The following ARHGAP22 variants were observed in gnomAD, a reference collection of about 807,000 sequenced individuals.
ARHGAP22 encodes the protein Rho GTPase activating protein 22.
In ARHGAP22, 48 loss-of-function variants were observed where a neutral mutation model predicts 59.1. The ratio of observed to expected loss-of-function variants is 0.81; its 90% CI spans 0.64 to 1.03. The LOEUF is 1.03. Among genes scored for constraint, ARHGAP22 ranks in the 50% least tolerant of loss-of-function variants. The probability of loss-of-function intolerance (pLI) is 0.00; values close to 1 mark genes in which losing one functional copy is unlikely to be tolerated. For synonymous variants in ARHGAP22, 445 were observed against 416.4 expected, an observed-to-expected ratio of 1.07 and a Z score of -0.84; for missense variants, 1,015 against 958.7, an observed-to-expected ratio of 1.06 and a Z score of -0.78.
At chr10:48,572,011 T>G (rs1381960229) in intron 2 of ARHGAP22, among the ~76,000 whole-genome samples, 1 of 152,162 alleles carries the variant, frequency 6.6e-6, no homozygotes, top group Non-Finnish European at 1.5e-5. Flanking sequence ...AAGGGGAACC[T>G]AGGGAAACCT....
the ARHGAP22 span, among the ~76,000 whole-genome samples, chr10:48,439,837 C>T: frequency 5.3e-5 from 8 of 152,212 alleles, no homozygotes; most frequent in Non-Finnish European, 1.2e-4. Flanking sequence ...CTCCGTCTTG[C>T]ACAGTTCCTG....
At chr10:48,563,110 G>C (rs1343112889) in intron 2 of ARHGAP22, among the ~76,000 whole-genome samples, 2 of 150,598 alleles carry the variant, frequency 1.3e-5, no homozygotes, top group South Asian at 2.1e-4. Context: ...CTCCGACTCT[G>C]ACCTCTTTGT....
intron 1 of ARHGAP22, among the ~76,000 whole-genome samples, chr10:48,598,994 T>C (rs745466983): frequency 1.3e-5 from 2 of 152,224 alleles, no homozygotes; most frequent in Non-Finnish European, 2.9e-5. Flanking sequence ...TTCTTTATCC[T>C]TTCTGGGACT....
chr10:48,633,787 G>A (rs1402761376), intron 1 of ARHGAP22, among the ~76,000 whole-genome samples: 1 of 152,060 alleles, frequency 6.6e-6, no homozygotes, highest in Admixed American at 6.5e-5. Flanking sequence ...AGAAGGAGAT[G>A]GGCAGGTTAA....
chr10:48,468,473 T>C (rs2047927765), intron 4 of ARHGAP22, among the ~76,000 whole-genome samples: 1 of 152,150 alleles, frequency 6.6e-6, no homozygotes, highest in South Asian at 2.1e-4. Flanking sequence ...CTGTAGCCCC[T>C]GGAAGGTTAA....
At chr10:48,627,546 C>T (rs1375957575) in intron 1 of ARHGAP22, among the ~76,000 whole-genome samples, 3 of 152,226 alleles carry the variant, frequency 2.0e-5, no homozygotes, top group Non-Finnish European at 4.4e-5. Flanking sequence ...TGTCCCATTC[C>T]CATCTGGGCT....
At chr10:48,621,032 A>G (rs2061268100) in intron 1 of ARHGAP22, among the ~76,000 whole-genome samples, 1 of 152,258 alleles carries the variant, frequency 6.6e-6, no homozygotes, top group Non-Finnish European at 1.5e-5. Flanking sequence ...GCACTCTAGC[A>G]AGCTTGGTGT....
chr10:48,608,778 G>T (rs932370377), upstream of ARHGAP22, among the ~76,000 whole-genome samples: 1 of 152,120 alleles, frequency 6.6e-6, no homozygotes, highest in Non-Finnish European at 1.5e-5. Flanking sequence ...AAATTTTCAG[G>T]AGTTTTGTAA....
rs567617422 is a variant in ARHGAP22 at position 48,544,470 on chromosome 10, C to A, written c.322+10993G>T. 4.6e-5 allele frequency among the ~76,000 whole-genome samples: 7 copies of A among 152,064 alleles called. No homozygotes were observed. In the East Asian group the frequency reaches 1.4e-3, roughly 29 times the overall value. ...AGCACCTGTTCTATGCTGGTGTTCT[C>A]ATCTAGGCCTGTGCTGTCCAATACG... On this transcript the variant is annotated intron_variant, in intron 3 of 9. Coordinates refer to ENST00000249601, the MANE Select transcript of ARHGAP22 (RefSeq NM_021226.4).
chr10:48,554,972 C>T (rs750051909), intron 3 of ARHGAP22, among the ~76,000 whole-genome samples: 9 of 152,320 alleles, frequency 5.9e-5, no homozygotes, highest in South Asian at 4.1e-4. Flanking sequence ...GCATTAACAA[C>T]GACATTGTCA....
the ARHGAP22 span, chr10:48,431,200 A>T: frequency 8.1e-6 from 13 of 1,602,564 alleles, no homozygotes; most frequent in Non-Finnish European, 1.1e-5. Context: ...CAGAATTGAT[A>T]TATAAGGAAG....
intron 3 of ARHGAP22, chr10:48,524,334 C>A (rs982484979): frequency 6.4e-6 from 1 of 155,140 alleles, no homozygotes; most frequent in African/African-American, 2.4e-5. Context: ...CAGATCGCGA[C>A]CGCCGCGCCA....
At chr10:48,625,950 A>C (rs937000255) in intron 1 of ARHGAP22, among the ~76,000 whole-genome samples, 5 of 152,120 alleles carry the variant, frequency 3.3e-5, no homozygotes, top group Non-Finnish European at 5.9e-5. Context: ...GTGCTTCCCC[A>C]AATGCTCAGC....
intron 1 of ARHGAP22, among the ~76,000 whole-genome samples, chr10:48,610,222 G>T (rs1196176963): frequency 2.0e-5 from 3 of 152,186 alleles, no homozygotes; most frequent in Admixed American, 6.5e-5. Context: ...ACCCCAGAAG[G>T]GGTCTAAAGC....
At chr10:48,514,263 G>A (rs10857588) in intron 3 of ARHGAP22, among the ~76,000 whole-genome samples, 79,769 of 151,866 alleles carry the variant, frequency 0.53, 23,836 homozygotes, top group Middle Eastern at 0.75. Flanking sequence ...ATGATGGTTA[G>A]AACTTCCCAA....
intron 1 of ARHGAP22, among the ~76,000 whole-genome samples, chr10:48,652,059 G>C (rs1047235568): frequency 1.3e-5 from 2 of 152,086 alleles, no homozygotes; most frequent in Non-Finnish European, 2.9e-5. Context: ...TTCAGGGGTG[G>C]GGTTTGTGCC....
chr10:48,574,407 G>A (rs1390230258), intron 2 of ARHGAP22, among the ~76,000 whole-genome samples: 1 of 152,210 alleles, frequency 6.6e-6, no homozygotes, highest in African/African-American at 2.4e-5. Flanking sequence ...TTGAGGAAGT[G>A]TTATAAATAA....
chr10:48,549,077 A>G (rs1185362356), intron 3 of ARHGAP22, among the ~76,000 whole-genome samples: 1 of 152,224 alleles, frequency 6.6e-6, no homozygotes, highest in Admixed American at 6.5e-5. Flanking sequence ...GCTCAGCTTC[A>G]TTCCTTAGAA....
In ARHGAP22 at chr10:48,450,800, C is replaced by A. The variant is rs757119191; in HGVS notation, c.1329G>T (p.Lys443Asn). 1 of 1,575,024 alleles carries A rather than the reference C, an allele frequency of 6.3e-7. No homozygotes were observed. Among genetic ancestry groups the A allele is most frequent in the Non-Finnish European group, 8.6e-7 (1 of 1,161,102 alleles). Residue 443 changes from lysine to asparagine, a missense_variant, in exon 9 of 10, where the codon AAG (lysine) becomes AAT (asparagine). By Grantham distance (94) the Lys-to-Asn change is moderately conservative. Transcript: ENST00000249601. Reference sequence around the variant, plus strand: ...GCACCTCCAGGGATGAGCCGCCCCCCTTCGGGCTTCCCGATAGGGACCTCG... The same window carrying A: ...GCACCTCCAGGGATGAGCCGCCCCCATTCGGGCTTCCCGATAGGGACCTCG... ...RQPRSLSGSP[K>N]GGGSSLEVPI... is the part of the protein sequence containing the mutation.
Sources: allele counts gnomAD v4.1 joint callset (sites outside exome capture counted in the v4.1 genomes callset), GRCh38; gene constraint gnomAD v4.1.1; transcripts MANE v1.5; gene names NCBI Gene and HGNC (gene_info 2026-07-23, HGNC 2026-07-21).